Variants in SHANK1 observed in about 807,000 individuals in gnomAD.
The protein encoded by SHANK1 is SH3 and multiple ankyrin repeat domains protein 1.
A neutral mutation model predicts 165.6 loss-of-function variants in SHANK1; 35 were observed. The ratio of observed to expected loss-of-function variants is 0.21; its 90% confidence interval spans 0.16 to 0.28. The LOEUF is 0.28. Among genes scored for constraint, SHANK1 ranks in the 10% least tolerant of loss-of-function variants. SHANK1 has a pLI of 1.00. For missense variants in SHANK1, 2,681 were observed against 3,036.4 expected (o/e 0.88, Z 2.75); for synonymous variants, 1,428 against 1,384.8 (o/e 1.03, Z -0.69).
rs142402078 is a variant in SHANK1 at position 50,692,456 on chromosome 19, GATAT to G, written c.1965-3181_1965-3178del. ...TCAAAGCCAAGATTTGAATTCACCA[GATAT>G]ATATATATATATACACACACACACC... On this transcript the variant is annotated intron_variant, in intron 15 of 23. Transcript: ENST00000293441. Among the ~76,000 whole-genome samples, 579 of 128,892 alleles carry G rather than the reference GATAT, an allele frequency of 4.5e-3. 28 individuals carry two copies. Among genetic ancestry groups the G allele is most frequent in the African/African-American group, 0.017 (537 of 31,504 alleles). The allele number at this position is 128,892 out of a possible 152,430, so 84.6% of individuals were successfully genotyped here. A position where few individuals can be genotyped will look rare whatever the true frequency, so the allele number is the denominator to read the frequency against.
chr19:50,698,758 T>C (rs1425132349), intron 12 of SHANK1, among the ~76,000 whole-genome samples: 1 of 152,208 alleles, frequency 6.6e-6, no homozygotes, highest in Non-Finnish European at 1.5e-5. Context: ...CAGATCTGGA[T>C]TTGAACACAG....
At chr19:50,703,883 C>A in intron 10 of SHANK1, 53 bp from the exon 11 acceptor site, 1 of 787,746 alleles carries the variant, frequency 1.3e-6, no homozygotes, top group East Asian at 2.7e-5. Context: ...AAAAGGCAAG[C>A]AGGGGGCCAT....
intron 6 of SHANK1, among the ~76,000 whole-genome samples, chr19:50,712,611 T>G (rs1291441123): frequency 6.6e-6 from 1 of 152,204 alleles, no homozygotes; most frequent in East Asian, 1.9e-4. Flanking sequence ...CCGGCCTCAC[T>G]GGGGCTGGAG....
intron 21 of SHANK1, among the ~76,000 whole-genome samples, chr19:50,676,234 T>A (rs1985978146): frequency 6.7e-6 from 1 of 149,342 alleles, no homozygotes; most frequent in Admixed American, 6.7e-5. Context: ...GCCCATGAGT[T>A]TGAGGCTGCA....
intron 19 of SHANK1, 55 bp downstream of exon 19, chr19:50,687,527 G>A: frequency 7.2e-7 from 1 of 1,385,158 alleles, no homozygotes; most frequent in South Asian, 1.3e-5. Flanking sequence ...GGATGGTCCA[G>A]CCCTCCTTCC....
chr19:50,679,076 A>G (rs1986081881), intron 21 of SHANK1, among the ~76,000 whole-genome samples: 1 of 19,866 alleles, frequency 5.0e-5, no homozygotes, highest in Non-Finnish European at 7.8e-5. Flanking sequence ...GATGATGGGG[A>G]GGGGTCAGGG....
chr19:50,697,659 G>A lies in SHANK1; in HGVS notation c.1867C>T (p.Arg623Cys), dbSNP rs764234917. 5 of 1,613,662 alleles carry A rather than the reference G, an allele frequency of 3.1e-6. No individual in the cohort carries two copies. The highest frequency in any genetic ancestry group is 1.3e-5 in the African/African-American group (1 of 74,862). The change falls in exon 14 of 24, where the codon CGC (arginine) becomes TGC (cysteine). Residue 623 changes from arginine (R) to cysteine (C), a missense_variant. Coordinates refer to ENST00000293441, the MANE Select transcript of SHANK1 (RefSeq NM_016148.5). This position sits in a 1 kb window ranked among gnomAD's most constrained non-coding sequence, Gnocchi z 4.7. ...AAGAGTCTCTTTGCCTTGTCACTGC[G>A]GCTTTCTGCAGGGTGACAACAGACA... ...NRSQESKQES[R>C]SDKAKRLFRH...
Position 50,668,044 on chromosome 19 carries a change from T to A in SHANK1, c.3916A>T (p.Ser1306Cys). 6.8e-7 allele frequency: 1 copy of A among 1,477,330 alleles called. No individual in the cohort carries two copies. The highest frequency in any genetic ancestry group is 8.9e-7 in the Non-Finnish European group (1 of 1,119,516). 91.5% of individuals were successfully genotyped at this position (1,477,330 alleles called of 1,614,324 possible). ...EPYLRLESAG[S>C]GAGYGGYGAG... ...CCGTAGCCGCCGTAGCCCGCGCCGC[T>A]GCCCGCAGACTCCAGTCGGAGGTAG... The change falls in exon 23 of 24, where the codon AGC (serine) becomes TGC (cysteine). Residue 1306 changes from serine (S) to cysteine (C), a missense_variant. Physicochemically the swap from Ser to Cys is moderately radical, Grantham distance 112. Coordinates refer to ENST00000293441, the MANE Select transcript of SHANK1 (RefSeq NM_016148.5).
At position 50,686,464 on chromosome 19, in the gene SHANK1, C is replaced by A; in HGVS notation, c.2459-109G>T. On this transcript the variant is annotated intron_variant, in intron 20 of 23. Coordinates refer to ENST00000293441, the MANE Select transcript of SHANK1 (RefSeq NM_016148.5). The surrounding 1 kb of genome is among the most constrained non-coding windows in gnomAD (Gnocchi z 5.7). ...CCCGCAGTTCATCCAGCACCTGGATCAACCAGGAAAGGGCAGCCCTGCCTG... is the reference window on the plus strand; with the variant it reads ...CCCGCAGTTCATCCAGCACCTGGATAAACCAGGAAAGGGCAGCCCTGCCTG... 1 of 857,432 alleles carries A rather than the reference C, an allele frequency of 1.2e-6. No individual in the cohort carries two copies. Among genetic ancestry groups the A allele is most frequent in the South Asian group, 1.7e-5 (1 of 59,936 alleles). The allele number at this position is 857,432 out of a possible 1,614,324, so 53.1% of individuals were successfully genotyped here.
chr19:50,703,445 T>C (rs2123176144), intron 11 of SHANK1, 55 bp downstream of exon 11: 1 of 1,450,662 alleles, frequency 6.9e-7, no homozygotes, highest in African/African-American at 1.4e-5. Context: ...GCCGCCGATC[T>C]GGAGAGGGGA....
chr19:50,711,789 T>C (rs1366531084), intron 7 of SHANK1, among the ~76,000 whole-genome samples, 158 bp downstream of exon 7: 1 of 152,154 alleles, frequency 6.6e-6, no homozygotes, highest in African/African-American at 2.4e-5. Context: ...CTTAGGGTCT[T>C]TCTGCCTTCA....
At chr19:50,671,974 C>T (rs891271953) in intron 22 of SHANK1, 44 bp downstream of exon 22, 12 of 1,434,244 alleles carry the variant, frequency 8.4e-6, no homozygotes, top group Admixed American at 5.3e-5. Context: ...TGTCACGTTC[C>T]TGGCCTCCCC....
At position 50,717,151 on chromosome 19, in the gene SHANK1, C is replaced by A. The variant is rs796389468; in HGVS notation, c.-43-189G>T. ...CTCCTCCCACGCTGGCACGCACACA[C>A]CCCTGTCCCTGACATGCTTCTGGCA... On this transcript the variant is annotated intron_variant, in intron 1 of 23. Transcript: ENST00000293441. The surrounding 1 kb of genome is among the most constrained non-coding windows in gnomAD (Gnocchi z 5.5). Among the ~76,000 whole-genome samples, 67 of 152,304 alleles carry A rather than the reference C, an allele frequency of 4.4e-4. No individual in the cohort carries two copies. Among genetic ancestry groups the A allele is most frequent in the African/African-American group, 1.6e-3 (66 of 41,570 alleles).
Position 50,713,550 on chromosome 19 carries a change from C to T in SHANK1, c.792+248G>A, listed in dbSNP as rs2089033499. ...CTGGGCCACAGGGGATGGAGACGTT[C>T]TGGGTGTTTAGGGGAGGAGGCCGTG... On this transcript the variant is annotated intron_variant, in intron 6 of 23. Transcript: ENST00000293441. The surrounding 1 kb of genome is among the most constrained non-coding windows in gnomAD (Gnocchi z 6.2). Among the ~76,000 whole-genome samples the T allele has an allele frequency of 6.6e-6, 1 of 151,926 alleles. No individual in the cohort carries two copies. The highest frequency in any genetic ancestry group is 1.5e-5 in the Non-Finnish European group (1 of 67,978).
At position 50,662,322 on chromosome 19, in the gene SHANK1, T is replaced by A. The variant is rs745613756; in HGVS notation, c.6129A>T (p.Ala2043=). 1 of 1,607,706 alleles carries A rather than the reference T, an allele frequency of 6.2e-7. No homozygotes were observed. The highest frequency in any genetic ancestry group is 1.7e-5 in the Admixed American group (1 of 59,510). The part of the protein sequence containing the change: ...FDIRGSPTGG[A]GGSADPFAPV... ...GGGCGAAGGGGTCAGCCGAGCCTCC[T>A]GCCCCTCCAGTTGGGGAGCCACGGA... The change falls in exon 24 of 24, where the codon GCA becomes GCT. Residue 2043 remains alanine (A), a synonymous_variant. Transcript: ENST00000293441. This position sits in a 1 kb window ranked among gnomAD's most constrained non-coding sequence, Gnocchi z 7.7.
chr19:50,691,452 C>T (rs1180840382), intron 15 of SHANK1, among the ~76,000 whole-genome samples: 4 of 152,080 alleles, frequency 2.6e-5, no homozygotes, highest in East Asian at 3.9e-4. Context: ...TTTCTCCCTC[C>T]CCTCTGGAAT....
In SHANK1 at chr19:50,660,358, ATG is replaced by A. The variant is rs748621501; in HGVS notation, c.*1605_*1606del. On this transcript the variant is annotated 3_prime_UTR_variant, in exon 24 of 24. Coordinates refer to ENST00000293441, the MANE Select transcript of SHANK1 (RefSeq NM_016148.5). ...GCCCAGGAAAGACAGAAGAGGGAGGATGTGAGGAAGGGTGAGGGCTGGAGGCA... is the reference window on the plus strand; with the variant it reads ...GCCCAGGAAAGACAGAAGAGGGAGGATGAGGAAGGGTGAGGGCTGGAGGCA... Among the ~76,000 whole-genome samples the A allele has an allele frequency of 8.6e-5, 13 of 151,840 alleles. No homozygotes were observed. The highest frequency in any genetic ancestry group is 1.3e-4 in the Admixed American group (2 of 15,248).
rs1056106729 is a variant in SHANK1, at chr19:50,702,739, G to A, written c.1554-79C>T. ...TGGGAGGACAGGGGTCCTTGGGTGG[G>A]GGAAGAGGACGGTGCATCAGGGGGG... On this transcript the variant is annotated intron_variant, in intron 11 of 23. Transcript: ENST00000293441. The surrounding 1 kb of genome is among the most constrained non-coding windows in gnomAD (Gnocchi z 5.3). 7.5e-6 allele frequency: 7 copies of A among 936,160 alleles called. No individual in the cohort carries two copies. The highest frequency in any genetic ancestry group is 5.1e-5 in the South Asian group (3 of 59,136). The allele number at this position is 936,160 out of a possible 1,614,324, so 58.0% of individuals were successfully genotyped here.
At chr19:50,700,314 G>A (rs1463528995) in intron 12 of SHANK1, among the ~76,000 whole-genome samples, 4 of 146,046 alleles carry the variant, frequency 2.7e-5, no homozygotes, top group Non-Finnish European at 4.6e-5. Context: ...TCGGGGCATT[G>A]GAGGATTGAA....
Sources: gnomAD v4.1 joint callset for allele counts (sites outside exome capture counted in the v4.1 genomes callset) on GRCh38, gnomAD v4.1.1 for gene constraint, Gnocchi (gnomAD v3.1) non-coding constraint, MANE v1.5 for transcripts, NCBI Gene and HGNC (gene_info 2026-07-23, HGNC 2026-07-21) for gene names.